The following CTNND2 variants were observed in gnomAD, a reference collection of about 807,000 sequenced individuals.
CTNND2 encodes catenin delta 2.
Under a neutral mutation model 144.4 loss-of-function variants are expected in CTNND2, and 22 were observed. The observed-to-expected ratio is 0.15, with a 90% CI of 0.11 to 0.22. CTNND2 has a LOEUF of 0.22. Among genes scored for constraint, CTNND2 ranks in the 10% least tolerant of loss-of-function variants. CTNND2 has a pLI of 1.00. For synonymous variants in CTNND2, 751 were observed against 695.6 expected (o/e 1.08, Z -1.25); for missense variants, 1,353 against 1,618.8 (o/e 0.84, Z 2.82).
At chr5:11,469,417 G>A (rs1581261863) in intron 3 of CTNND2, among the ~76,000 whole-genome samples, 2 of 152,124 alleles carry the variant, frequency 1.3e-5, no homozygotes, top group South Asian at 4.1e-4. Context: ...GAGAGTACAC[G>A]AAATCCACAA....
intron 2 of CTNND2, among the ~76,000 whole-genome samples, chr5:11,648,426 A>G (rs1169377272): frequency 6.6e-6 from 1 of 152,156 alleles, no homozygotes; most frequent in Non-Finnish European, 1.5e-5. Flanking sequence ...AGAGATGCCA[A>G]GTAAGCTACT....
chr5:11,019,007 A>G (rs762554743), intron 17 of CTNND2, among the ~76,000 whole-genome samples: 3 of 152,174 alleles, frequency 2.0e-5, no homozygotes, highest in African/African-American at 7.2e-5. Context: ...GTGCCCAGCC[A>G]ACTCTCTTAA....
intron 2 of CTNND2, among the ~76,000 whole-genome samples, chr5:11,670,507 C>A (rs569983588): frequency 1.4e-4 from 21 of 152,280 alleles, no homozygotes; most frequent in African/African-American, 5.1e-4. Flanking sequence ...TATATAATGT[C>A]CTCCTTTGTC....
intron 8 of CTNND2, among the ~76,000 whole-genome samples, chr5:11,348,387 CAA>C (rs1755002375): frequency 1.3e-5 from 1 of 77,154 alleles, no homozygotes; most frequent in African/African-American, 4.6e-5. Flanking sequence ...CAGAGGTAAA[CAA>C]AATTTCATTT....
At chr5:11,895,004 T>A (rs1469856670) in intron 1 of CTNND2, among the ~76,000 whole-genome samples, 1 of 152,168 alleles carries the variant, frequency 6.6e-6, no homozygotes, top group Non-Finnish European at 1.5e-5. Context: ...CATGGTCCTA[T>A]GTGACCAGAG....
intron 2 of CTNND2, among the ~76,000 whole-genome samples, chr5:11,646,546 A>G (rs980949524): frequency 1.3e-5 from 2 of 152,160 alleles, no homozygotes; most frequent in Non-Finnish European, 2.9e-5. Flanking sequence ...GCTAACTTAA[A>G]ATGTTGGATA....
In CTNND2 at chr5:11,384,833, C is replaced by G. The variant is rs368770402; in HGVS notation, c.1009G>C (p.Val337Leu). Residue 337 changes from valine (V) to leucine (L), a missense_variant, in exon 7 of 22, where the codon GTG becomes CTG. By Grantham distance (32) the Val-to-Leu change is conservative. This residue lies in a region of CTNND2 where 708 missense variants were observed against 706.4 expected (regional missense o/e 1.00). Transcript: ENST00000304623. This position sits in a 1 kb window ranked among gnomAD's most constrained non-coding sequence, Gnocchi z 5.2. ...GGCGAGGAGGAGATGGTGGACTGCA[C>G]GGTGGGGGGCGAGGTCACGCGGATC... ...SPIRVTSPPT[V>L]QSTISSSPIH... The G allele has an allele frequency of 1.2e-6, 2 of 1,612,792 alleles. No individual in the cohort carries two copies. The highest frequency in any genetic ancestry group is 1.7e-6 in the Non-Finnish European group (2 of 1,179,592).
chr5:11,753,762 T>C (rs1788753511), intron 1 of CTNND2, among the ~76,000 whole-genome samples: 1 of 151,788 alleles, frequency 6.6e-6, no homozygotes. Context: ...GCTCTTCTTA[T>C]ACACCTGATA....
chr5:11,001,110 C>A (rs1279441282), intron 18 of CTNND2, among the ~76,000 whole-genome samples: 1 of 152,208 alleles, frequency 6.6e-6, no homozygotes, highest in Non-Finnish European at 1.5e-5. Context: ...CCAATCACAC[C>A]TGATCACCCA....
intron 2 of CTNND2, among the ~76,000 whole-genome samples, chr5:11,641,752 A>G (rs1480209627): frequency 2.5e-5 from 3 of 119,854 alleles, no homozygotes; most frequent in African/African-American, 6.2e-5. Flanking sequence ...ATACGTGTGT[A>G]TGTACATACA....
chr5:11,530,716 C>G (rs1318030072), intron 3 of CTNND2, among the ~76,000 whole-genome samples: 1 of 152,168 alleles, frequency 6.6e-6, no homozygotes, highest in Non-Finnish European at 1.5e-5. Flanking sequence ...TTTCTGATCA[C>G]ATATATATCT....
intron 16 of CTNND2, among the ~76,000 whole-genome samples, chr5:11,069,415 G>T (rs1481704727): frequency 2.6e-5 from 4 of 152,210 alleles, no homozygotes; most frequent in African/African-American, 9.6e-5. Flanking sequence ...AGAGCCATCA[G>T]GGTAGGAAAA....
chr5:11,603,367 T>G (rs1779896754), intron 2 of CTNND2, among the ~76,000 whole-genome samples: 1 of 152,206 alleles, frequency 6.6e-6, no homozygotes, highest in Admixed American at 6.5e-5. Flanking sequence ...ATTATAATTT[T>G]AATGTCACAG....
intron 2 of CTNND2, among the ~76,000 whole-genome samples, chr5:11,649,281 T>C (rs975599156): frequency 6.6e-6 from 1 of 152,174 alleles, no homozygotes; most frequent in Non-Finnish European, 1.5e-5. Flanking sequence ...AACTGTAACA[T>C]ACCACTTTCA....
In CTNND2 at chr5:10,985,075, AAAATAAATAAAT is replaced by A. The variant is rs10599114; in HGVS notation, c.3343+3024_3343+3035del. Among the ~76,000 whole-genome samples, 546 of 148,048 alleles carry A rather than the reference AAAATAAATAAAT, an allele frequency of 3.7e-3. 12 individuals are homozygous for A. In the East Asian group the frequency reaches 0.06, roughly 16 times the overall value. On this transcript the variant is annotated intron_variant, in intron 20 of 21. Transcript: ENST00000304623. Reference sequence around the variant, plus strand: ...GGCGACACAGTGAAACTCCGTCTCAAAAATAAATAAATAAATAAATAAATAAATAAATAAATA... The same window carrying A: ...GGCGACACAGTGAAACTCCGTCTCAAAAATAAATAAATAAATAAATAAATA...
intron 16 of CTNND2, among the ~76,000 whole-genome samples, chr5:11,040,362 C>T (rs1221611186): frequency 3.3e-5 from 5 of 152,176 alleles, no homozygotes; most frequent in African/African-American, 1.2e-4. Context: ...GTAACTCAAT[C>T]CTCTGAAAAG....
At chr5:11,338,840 A>G (rs1753972166) in intron 9 of CTNND2, among the ~76,000 whole-genome samples, 1 of 152,228 alleles carries the variant, frequency 6.6e-6, no homozygotes, top group Admixed American at 6.5e-5. Flanking sequence ...TTTATAAAAC[A>G]AAAAGGTCTT....
intron 11 of CTNND2, among the ~76,000 whole-genome samples, chr5:11,194,842 C>CA: frequency 6.6e-6 from 1 of 152,148 alleles, no homozygotes; most frequent in South Asian, 2.1e-4. Context: ...TTAAAAAACA[C>CA]AAAAGAGAAT....
chr5:11,286,272 AT>A (rs1349141027), intron 9 of CTNND2, among the ~76,000 whole-genome samples: 2 of 152,190 alleles, frequency 1.3e-5, no homozygotes, highest in Non-Finnish European at 2.9e-5. Flanking sequence ...AGTTGGAAGA[AT>A]TTATAAGAAT....
Sources: gnomAD v4.1 joint callset for allele counts (sites outside exome capture counted in the v4.1 genomes callset) on GRCh38, gnomAD v4.1.1 for gene constraint, gnomAD v4.1.1 regional missense constraint, Gnocchi (gnomAD v3.1) non-coding constraint, MANE v1.5 for transcripts, NCBI Gene and HGNC (gene_info 2026-07-23, HGNC 2026-07-21) for gene names.